Variants in PTPRD observed in about 807,000 individuals in gnomAD.
PTPRD encodes the protein protein tyrosine phosphatase receptor type D.
Under a neutral mutation model 214.5 loss-of-function variants are expected in PTPRD, and 34 were observed. That is an observed-to-expected ratio of 0.16 (90% CI 0.12 to 0.21). The LOEUF (loss-of-function observed/expected upper bound fraction) is 0.21, where lower values mean the gene tolerates loss of function less well. Among genes scored for constraint, PTPRD ranks in the 10% least tolerant of loss-of-function variants. The pLI is 1.00. For missense variants in PTPRD, 2,545 were observed against 2,398.7 expected (o/e 1.06, Z -1.27); for synonymous variants, 1,128 against 845.7 (o/e 1.33, Z -5.79).
chr9:10,358,888 CAT>C (rs1286700144), intron 2 of PTPRD, among the ~76,000 whole-genome samples: 8 of 152,040 alleles, frequency 5.3e-5, no homozygotes, highest in African/African-American at 1.7e-4. Context: ...ATTTAGTAAA[CAT>C]GTGTATCTTC....
At chr9:9,178,872 A>G (rs557990312) in intron 10 of PTPRD, among the ~76,000 whole-genome samples, 1 of 152,120 alleles carries the variant, frequency 6.6e-6, no homozygotes, top group Non-Finnish European at 1.5e-5. Flanking sequence ...GTCTACATAC[A>G]CAATTAACCT....
intron 2 of PTPRD, among the ~76,000 whole-genome samples, chr9:10,360,604 A>G (rs1429529051): frequency 6.6e-6 from 1 of 152,256 alleles, no homozygotes; most frequent in South Asian, 2.1e-4. Flanking sequence ...CAAGCAGCCA[A>G]GAAAATATTA....
At chr9:9,915,838 G>C (rs1210398939) in intron 5 of PTPRD, among the ~76,000 whole-genome samples, 1 of 151,988 alleles carries the variant, frequency 6.6e-6, no homozygotes, top group Non-Finnish European at 1.5e-5. Context: ...TGTTTTGTTA[G>C]AGGGATGGAC....
chr9:8,369,045 A>G (rs2080770394), intron 39 of PTPRD, among the ~76,000 whole-genome samples: 1 of 152,138 alleles, frequency 6.6e-6, no homozygotes, highest in Admixed American at 6.6e-5. Context: ...GATAAACCCC[A>G]GGTTTAAGGA....
At chr9:9,940,753 AAACT>A in intron 4 of PTPRD, among the ~76,000 whole-genome samples, 1 of 152,268 alleles carries the variant, frequency 6.6e-6, no homozygotes, top group East Asian at 1.9e-4. Flanking sequence ...ATGTATTTTC[AAACT>A]TCTGCACTTT....
At chr9:8,829,010 T>A (rs2154529047) in intron 11 of PTPRD, among the ~76,000 whole-genome samples, 1 of 152,348 alleles carries the variant, frequency 6.6e-6, no homozygotes. Context: ...CAATGCCATC[T>A]ATCATATGCA....
At chr9:10,191,656 T>A (rs770405414) in intron 3 of PTPRD, among the ~76,000 whole-genome samples, 2 of 152,190 alleles carry the variant, frequency 1.3e-5, no homozygotes, top group African/African-American at 4.8e-5. Context: ...CATCAAAATA[T>A]ACTTGATCAG....
intron 11 of PTPRD, among the ~76,000 whole-genome samples, chr9:8,751,618 A>G (rs2093541642): frequency 6.6e-6 from 1 of 152,278 alleles, no homozygotes; most frequent in African/African-American, 2.4e-5. Flanking sequence ...GCTGTGAGTC[A>G]ATTGCTGGCT....
intron 39 of PTPRD, among the ~76,000 whole-genome samples, chr9:8,367,770 C>T (rs1056517461): frequency 6.6e-6 from 1 of 152,106 alleles, no homozygotes; most frequent in Non-Finnish European, 1.5e-5. Context: ...ATTTAAATAA[C>T]TGTGAGGTAA....
At chr9:9,691,049 G>C (rs1457432193) in intron 7 of PTPRD, among the ~76,000 whole-genome samples, 2 of 151,490 alleles carry the variant, frequency 1.3e-5, no homozygotes, top group Non-Finnish European at 3.0e-5. Flanking sequence ...TATACTTATG[G>C]TGTACACGAG....
At chr9:9,693,051 C>G (rs888800138) in intron 7 of PTPRD, among the ~76,000 whole-genome samples, 2 of 151,970 alleles carry the variant, frequency 1.3e-5, no homozygotes, top group African/African-American at 4.8e-5. Flanking sequence ...AATATAAGAT[C>G]ATATAATCTA....
chr9:9,203,508 A>G (rs2099943102), intron 9 of PTPRD, among the ~76,000 whole-genome samples: 1 of 152,044 alleles, frequency 6.6e-6, no homozygotes. Flanking sequence ...CTCCCTCTAT[A>G]AGTCATTAAC....
intron 11 of PTPRD, among the ~76,000 whole-genome samples, chr9:8,968,641 T>A (rs2099215812): frequency 6.6e-6 from 1 of 152,100 alleles, no homozygotes; most frequent in Non-Finnish European, 1.5e-5. Context: ...AAAGGAAAAG[T>A]TATTTAAAGG....
chr9:9,666,247 A>G (rs1292350895), intron 7 of PTPRD, among the ~76,000 whole-genome samples: 3 of 151,998 alleles, frequency 2.0e-5, no homozygotes, highest in African/African-American at 7.2e-5. Context: ...TTAAACATTT[A>G]TACACTGGTA....
intron 9 of PTPRD, among the ~76,000 whole-genome samples, chr9:9,214,651 T>C (rs1376034754): frequency 2.0e-5 from 3 of 152,174 alleles, no homozygotes; most frequent in African/African-American, 4.8e-5. Context: ...TACACATTTG[T>C]TTTTTAAACT....
At chr9:9,477,382 G>C (rs1396878026) in intron 8 of PTPRD, among the ~76,000 whole-genome samples, 6 of 152,020 alleles carry the variant, frequency 3.9e-5, no homozygotes, top group Non-Finnish European at 8.8e-5. Flanking sequence ...TTACAAACTG[G>C]GACCATTTGA....
intron 11 of PTPRD, among the ~76,000 whole-genome samples, chr9:8,752,490 A>G (rs1274827645): frequency 2.0e-5 from 3 of 152,192 alleles, no homozygotes; most frequent in Non-Finnish European, 4.4e-5. Flanking sequence ...TGCTCTGTCT[A>G]TGGAGTTAGC....
At chr9:10,589,017 T>A (rs958587695) in intron 2 of PTPRD, among the ~76,000 whole-genome samples, 7 of 151,966 alleles carry the variant, frequency 4.6e-5, no homozygotes, top group African/African-American at 1.7e-4. Context: ...AAGAAGAAAA[T>A]GAATATATAT....
intron 7 of PTPRD, among the ~76,000 whole-genome samples, chr9:9,584,756 C>A (rs1430451950): frequency 6.6e-6 from 1 of 151,880 alleles, no homozygotes; most frequent in African/African-American, 2.4e-5. Flanking sequence ...CTAATGACAA[C>A]AAATTTCTCA....
Sources: allele counts gnomAD v4.1 joint callset (sites outside exome capture counted in the v4.1 genomes callset), GRCh38; gene constraint gnomAD v4.1.1; transcripts MANE v1.5; gene names NCBI Gene and HGNC (gene_info 2026-07-23, HGNC 2026-07-21).